The following HCAR1 variants were observed in gnomAD, a reference collection of about 807,000 sequenced individuals.
The protein encoded by HCAR1 is hydroxycarboxylic acid receptor 1, also known as G protein-coupled receptor 104.
For synonymous variants in HCAR1, 183 were observed against 182.1 expected, an observed-to-expected ratio of 1.01 and a Z score of -0.04; for missense variants, 445 against 448.7, an observed-to-expected ratio of 0.99 and a Z score of 0.07.
In HCAR1 at chr12:122,730,289, C is replaced by T. The variant is rs1234369834; in HGVS notation, c.51G>A (p.Val17=). The T allele has an allele frequency of 6.2e-7, 1 of 1,603,362 alleles. No homozygotes were observed. Among genetic ancestry groups the T allele is most frequent in the Non-Finnish European group, 8.5e-7 (1 of 1,173,144 alleles). The change falls in exon 1 of 1, where the codon GTG becomes GTA. Residue 17 remains valine (V), a synonymous_variant. Coordinates refer to ENST00000432564, the MANE Select transcript of HCAR1 (RefSeq NM_032554.4). ...AGGCCACAATGAGCAGCGGCGGCAT[C>T]ACCTGGGAGATGGTGTCCCCCTCGA... The part of the protein sequence containing the change: ...CRIEGDTISQ[V]MPPLLIVAFV...
chr12:122,729,667 C>A lies in HCAR1; in HGVS notation c.673G>T (p.Val225Leu), dbSNP rs754320989. 1 of 1,614,098 alleles carries A rather than the reference C, an allele frequency of 6.2e-7. No homozygotes were observed. The highest frequency in any genetic ancestry group is 1.7e-5 in the Admixed American group (1 of 60,008). Residue 225 changes from valine (V) to leucine (L), a missense_variant, in exon 1 of 1, where the codon GTG becomes TTG. Physicochemically the swap from Val to Leu is conservative, Grantham distance 32. Coordinates refer to ENST00000432564, the MANE Select transcript of HCAR1 (RefSeq NM_032554.4). The stretch of plus-strand genomic sequence containing the variant: ...TAGCATGTGATGAACACAATTGCCA[C>A]CACCATGATGAACCGGGTCGCCTTC... ...MKKATRFIMVVAIVFITCYLP... is the reference protein window; with the variant it reads ...MKKATRFIMVLAIVFITCYLP...
In HCAR1 at chr12:122,730,141, A is replaced by G. The variant is rs1364203022; in HGVS notation, c.199T>C (p.Cys67Arg). The change falls in exon 1 of 1, where the codon TGC (cysteine) becomes CGC (arginine). Residue 67 changes from cysteine (C) to arginine (R), a missense_variant. Physicochemically the swap from Cys to Arg is radical, Grantham distance 180 (BLOSUM62 -3). Transcript: ENST00000432564. ...LAVADFLLMI[C>R]LPFRTDYYLR... ...TAATAGTCTGTCCGAAAAGGCAGGC[A>G]GATCATAAGGAGGAAATCAGCCACG... 2.5e-6 allele frequency: 4 copies of G among 1,614,198 alleles called. No homozygotes were observed. Among genetic ancestry groups the G allele is most frequent in the South Asian group, 1.1e-5 (1 of 91,082 alleles).
In HCAR1 at chr12:122,730,113, A is replaced by G. The variant is rs1419583235; in HGVS notation, c.227T>C (p.Leu76Pro). ...ICLPFRTDYY[L>P]RRRHWAFGDI... Reference sequence around the variant, plus strand: ...CCCAAAAGCCCAGTGTCTACGTCTGAGGTAATAGTCTGTCCGAAAAGGCAG... The same window carrying G: ...CCCAAAAGCCCAGTGTCTACGTCTGGGGTAATAGTCTGTCCGAAAAGGCAG... Residue 76 changes from leucine to proline, a missense_variant, in exon 1 of 1, where the codon CTC becomes CCC. Transcript: ENST00000432564. The G allele has an allele frequency of 6.2e-7, 1 of 1,614,114 alleles. No homozygotes were observed. Among genetic ancestry groups the G allele is most frequent in the Non-Finnish European group, 8.5e-7 (1 of 1,180,008 alleles).
Position 122,729,297 on chromosome 12 carries a change from G to C in HCAR1, c.*2C>G. The stretch of plus-strand genomic sequence containing the variant: ...CTTCCTCAGTGTTGTTGGTCTGCTT[G>C]TTCAGTGCCACTCAACAATGTGGGG... On this transcript the variant is annotated 3_prime_UTR_variant, in exon 1 of 1. Transcript: ENST00000432564. 6.2e-7 allele frequency: 1 copy of C among 1,612,292 alleles called. No individual in the cohort carries two copies. The highest frequency in any genetic ancestry group is 8.5e-7 in the Non-Finnish European group (1 of 1,178,644).
rs1877879550 is a variant in HCAR1 at position 122,729,534 on chromosome 12, A to C, written c.806T>G (p.Met269Arg). The C allele has an allele frequency of 6.2e-7, 1 of 1,613,992 alleles. No individual in the cohort carries two copies. The highest frequency in any genetic ancestry group is 1.3e-5 in the African/African-American group (1 of 74,902). Residue 269 changes from methionine to arginine, a missense_variant, in exon 1 of 1, where the codon ATG (methionine) becomes AGG (arginine). Physicochemically the swap from Met to Arg is moderately conservative, Grantham distance 91. Transcript: ENST00000432564. ...ALHITLSFTY[M>R]NSMLDPLVYY... ...CACCAGGGGATCCAGCATGCTGTTC[A>C]TGTAGGTGAAGCTGAGGGTTATGTG...
rs1877882121 is a variant in HCAR1, at chr12:122,729,593, C to T, written c.747G>A (p.Ser249=). The T allele has an allele frequency of 1.9e-6, 3 of 1,614,012 alleles. No individual in the cohort carries two copies. The highest frequency in any genetic ancestry group is 2.2e-5 in the East Asian group (1 of 44,874). The change falls in exon 1 of 1, where the codon TCG becomes TCA. Residue 249 remains serine, a synonymous_variant. Transcript: ENST00000432564. ...CATGGACAGAGGGATCGCAGGCACT[C>T]GAGGGCACCGTCCAGAGGAAATAGA... ...ARLYFLWTVP[S]SACDPSVHGA...
rs202138508 is a variant in HCAR1 at position 122,726,927 on chromosome 12, A to ATC, written c.*2371_*2372insGA. 2.1e-5 allele frequency: 2 copies of ATC among 93,800 alleles called. No individual in the cohort carries two copies. Among genetic ancestry groups the ATC allele is most frequent in the African/African-American group, 9.0e-5 (2 of 22,132 alleles). 5.8% of individuals were successfully genotyped at this position (93,800 alleles called of 1,614,324 possible). On this transcript the variant is annotated 3_prime_UTR_variant, in exon 1 of 1. Transcript: ENST00000432564. Reference sequence around the variant, plus strand: ...GACTCTGTCTCAAAAAAAAAAAAAAAAATATATATATATATAGATAGATAG... The same window carrying ATC: ...GACTCTGTCTCAAAAAAAAAAAAAAATCAATATATATATATATAGATAGATAG...
Position 122,730,357 on chromosome 12 carries a change from T to G in HCAR1, c.-18A>C, listed in dbSNP as rs1593749333. 2 of 1,541,018 alleles carry G rather than the reference T, an allele frequency of 1.3e-6. No individual in the cohort carries two copies. The highest frequency in any genetic ancestry group is 1.8e-6 in the Non-Finnish European group (2 of 1,141,842). ...TTGTACATGGCGGGGACAGAGCAAGTGTCCGGGTGCAGAGCAGCCCAGGGA... is the reference window on the plus strand; with the variant it reads ...TTGTACATGGCGGGGACAGAGCAAGGGTCCGGGTGCAGAGCAGCCCAGGGA... On this transcript the variant is annotated 5_prime_UTR_variant, in exon 1 of 1. Transcript: ENST00000432564.
rs61747158 is a variant in HCAR1, at chr12:122,730,011, G to A, written c.329C>T (p.Ala110Val). The A allele has an allele frequency of 3.8e-4, 616 of 1,614,088 alleles. 5 individuals carry two copies. The African/African-American group carries it at 7.4e-3, about 19-fold the overall frequency. The part of the protein sequence containing the change: ...AGSIVFLTVV[A>V]ADRYFKVVHP... ...GACCACTTTGAAATACCTGTCCGCA[G>A]CCACCACCGTAAGGAACACGATGCT... The change falls in exon 1 of 1, where the codon GCT (alanine) becomes GTT (valine). Residue 110 changes from alanine (A) to valine (V), a missense_variant. Coordinates refer to ENST00000432564, the MANE Select transcript of HCAR1 (RefSeq NM_032554.4).
chr12:122,729,732 A>T lies in HCAR1; in HGVS notation c.608T>A (p.Leu203Gln). Residue 203 changes from leucine (L) to glutamine (Q), a missense_variant, in exon 1 of 1, where the codon CTG becomes CAG. Transcript: ENST00000432564. ...TCTGGCCAGCTGCTGCCTCCGCCTC[A>T]GGCTCCAAACAATCTTGAAGGAGCA... ...LFCSFKIVWS[L>Q]RRRQQLARQA... is the part of the protein sequence containing the mutation. 1 of 1,613,586 alleles carries T rather than the reference A, an allele frequency of 6.2e-7. No homozygotes were observed. The highest frequency in any genetic ancestry group is 1.1e-5 in the South Asian group (1 of 91,080).
rs778438112 is a variant in HCAR1, at chr12:122,730,362, G to A, written c.-23C>T. 6.5e-6 allele frequency: 10 copies of A among 1,533,236 alleles called. No individual in the cohort carries two copies. The highest frequency in any genetic ancestry group is 3.8e-5 in the South Asian group (3 of 78,912). The allele number at this position is 1,533,236 out of a possible 1,614,324, so 95.0% of individuals were successfully genotyped here. ...CATGGCGGGGACAGAGCAAGTGTCCGGGTGCAGAGCAGCCCAGGGAGTCCC... is the reference window on the plus strand; with the variant it reads ...CATGGCGGGGACAGAGCAAGTGTCCAGGTGCAGAGCAGCCCAGGGAGTCCC... On this transcript the variant is annotated 5_prime_UTR_variant, in exon 1 of 1. Coordinates refer to ENST00000432564, the MANE Select transcript of HCAR1 (RefSeq NM_032554.4).
rs1481783083 is a variant in HCAR1 at position 122,727,201 on chromosome 12, C to T, written c.*2098G>A. 6.6e-6 allele frequency: 1 copy of T among 151,714 alleles called. No individual in the cohort carries two copies. The highest frequency in any genetic ancestry group is 2.4e-5 in the African/African-American group (1 of 41,256). The allele number at this position is 151,714 out of a possible 1,614,324, so 9.4% of individuals were successfully genotyped here. A position where few individuals can be genotyped will look rare whatever the true frequency, so the allele number is the denominator to read the frequency against. ...GGCTGAGGTGGGAGGAACACTTGAG[C>T]CCAGGAGTTTGAGGCTGCAGTGAGC... On this transcript the variant is annotated 3_prime_UTR_variant, in exon 1 of 1. Transcript: ENST00000432564.
chr12:122,728,441 A>G lies in HCAR1; in HGVS notation c.*858T>C, dbSNP rs1351358980. On this transcript the variant is annotated 3_prime_UTR_variant, in exon 1 of 1. Transcript: ENST00000432564. ...AGATGTACATTTGGACAAAATGTAC[A>G]GATGTACAAAGAAATGTAAAGATGA... is the stretch of plus-strand genomic sequence containing the variant. 6.6e-6 allele frequency: 1 copy of G among 152,258 alleles called. No individual in the cohort carries two copies. The highest frequency in any genetic ancestry group is 1.5e-5 in the Non-Finnish European group (1 of 68,048). The allele number at this position is 152,258 out of a possible 1,614,324, so 9.4% of individuals were successfully genotyped here.
chr12:122,728,981 C>G lies in HCAR1; in HGVS notation c.*318G>C, dbSNP rs1473854914. ...GACTCTGTCTCAAAACAAAAACAAA[C>G]AACGAAAATTACACAAGGGCTGTGC... On this transcript the variant is annotated 3_prime_UTR_variant, in exon 1 of 1. Coordinates refer to ENST00000432564, the MANE Select transcript of HCAR1 (RefSeq NM_032554.4). 9.4e-6 allele frequency: 3 copies of G among 319,968 alleles called. No individual in the cohort carries two copies. Among genetic ancestry groups the G allele is most frequent in the Non-Finnish European group, 1.8e-5 (3 of 170,848 alleles). 19.8% of individuals were successfully genotyped at this position (319,968 alleles called of 1,614,324 possible).
chr12:122,728,948 C>T lies in HCAR1; in HGVS notation c.*351G>A, dbSNP rs888581755. On this transcript the variant is annotated 3_prime_UTR_variant, in exon 1 of 1. Transcript: ENST00000432564. The stretch of plus-strand genomic sequence containing the variant: ...TGCCACTGCACTCCAGCCTGGGACA[C>T]AGAGTGAGACTCTGTCTCAAAACAA... 1 of 243,142 alleles carries T rather than the reference C, an allele frequency of 4.1e-6. No homozygotes were observed. Among genetic ancestry groups the T allele is most frequent in the Non-Finnish European group, 8.1e-6 (1 of 123,538 alleles). The allele number at this position is 243,142 out of a possible 1,614,324, so 15.1% of individuals were successfully genotyped here.
chr12:122,729,261 C>G lies in HCAR1; in HGVS notation c.*38G>C. ...CCCTTAGCACGAGTTAATTCTAAGT[C>G]ACCACTCTATCTTCCTCAGTGTTGT... On this transcript the variant is annotated 3_prime_UTR_variant, in exon 1 of 1. Coordinates refer to ENST00000432564, the MANE Select transcript of HCAR1 (RefSeq NM_032554.4). The G allele has an allele frequency of 6.3e-7, 1 of 1,582,908 alleles. No homozygotes were observed. Among genetic ancestry groups the G allele is most frequent in the Non-Finnish European group, 8.6e-7 (1 of 1,159,286 alleles).
Position 122,730,087 on chromosome 12 carries a change from C to A in HCAR1, c.253G>T (p.Asp85Tyr). Reference sequence around the variant, plus strand: ...AAGAGCCCCACTCGGCAGGGAATGTCCCCAAAAGCCCAGTGTCTACGTCTG... The same window carrying A: ...AAGAGCCCCACTCGGCAGGGAATGTACCCAAAAGCCCAGTGTCTACGTCTG... The part of the protein sequence containing the change: ...YLRRRHWAFG[D>Y]IPCRVGLFTL... Residue 85 changes from aspartate to tyrosine, a missense_variant, in exon 1 of 1, where the codon GAC becomes TAC. Asp to Tyr is a radical substitution (Grantham distance 160). Transcript: ENST00000432564. 1.2e-6 allele frequency: 2 copies of A among 1,614,116 alleles called. No individual in the cohort carries two copies. Among genetic ancestry groups the A allele is most frequent in the Non-Finnish European group, 1.7e-6 (2 of 1,180,022 alleles).
rs1877858681 is a variant in HCAR1 at position 122,728,921 on chromosome 12, T to A, written c.*378A>T. ...GGCAGAGGTTGCAGTGAGCCGAGAC[T>A]GTGCCACTGCACTCCAGCCTGGGAC... On this transcript the variant is annotated 3_prime_UTR_variant, in exon 1 of 1. Transcript: ENST00000432564. 4.9e-6 allele frequency: 1 copy of A among 202,194 alleles called. No individual in the cohort carries two copies. The highest frequency in any genetic ancestry group is 8.1e-5 in the South Asian group (1 of 12,312). 12.5% of individuals were successfully genotyped at this position (202,194 alleles called of 1,614,324 possible). A position where few individuals can be genotyped will look rare whatever the true frequency, so the allele number is the denominator to read the frequency against.
rs1391543179 is a variant in HCAR1, at chr12:122,727,771, T to C, written c.*1528A>G. On this transcript the variant is annotated 3_prime_UTR_variant, in exon 1 of 1. Coordinates refer to ENST00000432564, the MANE Select transcript of HCAR1 (RefSeq NM_032554.4). ...AGCCACCATGCCCAACCCCCAGAAG[T>C]TGGCAAGGTTCTTAAGTGGGTAGAG... 1 of 152,158 alleles carries C rather than the reference T, an allele frequency of 6.6e-6. No homozygotes were observed. The highest frequency in any genetic ancestry group is 2.4e-5 in the African/African-American group (1 of 41,448). The allele number at this position is 152,158 out of a possible 1,614,324, so 9.4% of individuals were successfully genotyped here. A position where few individuals can be genotyped will look rare whatever the true frequency, so the allele number is the denominator to read the frequency against.
Sources: allele counts gnomAD v4.1 joint callset, GRCh38; gene constraint gnomAD v4.1.1; transcripts MANE v1.5; gene names NCBI Gene and HGNC (gene_info 2026-07-23, HGNC 2026-07-21).